ARHGEF37: variants seen among roughly 807,000 people sequenced by gnomAD.
ARHGEF37 encodes the protein Rho guanine nucleotide exchange factor 37.
In ARHGEF37, 55 loss-of-function variants were observed where a neutral mutation model predicts 71.1. That is an observed-to-expected ratio of 0.77 (90% CI 0.62 to 0.97). ARHGEF37 has a LOEUF of 0.97. ARHGEF37 is among the 50% of genes least tolerant of loss of function. ARHGEF37 has a pLI of 0.00. For missense variants in ARHGEF37, 765 were observed against 836.8 expected (o/e 0.91, Z 1.06); for synonymous variants, 327 against 350.6 (o/e 0.93, Z 0.75).
At chr5:149,605,481 G>A (rs754613723) in intron 3 of ARHGEF37, among the ~76,000 whole-genome samples, 3 of 152,098 alleles carry the variant, frequency 2.0e-5, no homozygotes, top group Admixed American at 1.3e-4. Context: ...CGCATTTGGG[G>A]TTCATCATAT....
intron 10 of ARHGEF37, among the ~76,000 whole-genome samples, chr5:149,625,819 A>G (rs929694198): frequency 1.3e-5 from 2 of 150,634 alleles, no homozygotes; most frequent in Admixed American, 1.3e-4. Context: ...CTGAGGGTAT[A>G]GAACCCAGCA....
chr5:149,607,351 A>G (rs1340489931), intron 3 of ARHGEF37, among the ~76,000 whole-genome samples: 1 of 152,098 alleles, frequency 6.6e-6, no homozygotes, highest in Non-Finnish European at 1.5e-5. Context: ...TCCTTCCCTA[A>G]TACTTGGTGC....
chr5:149,623,923 G>T lies in ARHGEF37; in HGVS notation c.1336-89G>T. ...GACAGAGTATCACTCAGAACTCCTT[G>T]GGTTGAAAATAATATAAACCCAAAG... On this transcript the variant is annotated intron_variant, in intron 9 of 12. Coordinates refer to ENST00000333677, the MANE Select transcript of ARHGEF37 (RefSeq NM_001001669.3). 2.0e-6 allele frequency: 3 copies of T among 1,482,890 alleles called. No individual in the cohort carries two copies. In the South Asian group the frequency reaches 4.1e-5, roughly 20 times the overall value. The allele number at this position is 1,482,890 out of a possible 1,614,324, so 91.9% of individuals were successfully genotyped here.
intron 4 of ARHGEF37, among the ~76,000 whole-genome samples, chr5:149,611,087 G>A (rs115410606): frequency 1.8e-3 from 273 of 152,228 alleles, no homozygotes; most frequent in Non-Finnish European, 3.0e-3. Context: ...TCCTCTTCCC[G>A]CCTGCTAGCT....
At chr5:149,616,804 A>T (rs775920307) in intron 5 of ARHGEF37, 38 bp downstream of exon 5, 3 of 1,532,506 alleles carry the variant, frequency 2.0e-6, no homozygotes, top group Non-Finnish European at 2.7e-6. Context: ...CATTAGTAGG[A>T]ATGCTTCCAG....
At position 149,634,340 on chromosome 5, in the gene ARHGEF37, C is replaced by A. The variant is rs949091353; in HGVS notation, c.*2149C>A. The A allele has an allele frequency of 6.6e-6, 1 of 152,190 alleles. No individual in the cohort carries two copies. Among genetic ancestry groups the A allele is most frequent in the South Asian group, 2.1e-4 (1 of 4,826 alleles). 9.4% of individuals were successfully genotyped at this position (152,190 alleles called of 1,614,324 possible). A position where few individuals can be genotyped will look rare whatever the true frequency, so the allele number is the denominator to read the frequency against. On this transcript the variant is annotated 3_prime_UTR_variant, in exon 13 of 13. Coordinates refer to ENST00000333677, the MANE Select transcript of ARHGEF37 (RefSeq NM_001001669.3). ...CTGCACTAGCTAGTTCAAACAGGCG[C>A]TTTAAAGGCAGTGTGAAAGGGGACA...
Position 149,597,968 on chromosome 5 carries a change from G to A in ARHGEF37, c.186+13G>A, listed in dbSNP as rs1260744014. ...CCGCCTCCAGCAGGTACTTGGGTGG[G>A]GTCACACACAACCTGTCTTTATAGG... is the stretch of plus-strand genomic sequence containing the variant. On this transcript the variant is annotated intron_variant, in intron 2 of 12. Transcript: ENST00000333677. 1.9e-6 allele frequency: 3 copies of A among 1,566,606 alleles called. No homozygotes were observed.
At chr5:149,596,662 G>C (rs1763555960) in intron 1 of ARHGEF37, among the ~76,000 whole-genome samples, 1 of 152,178 alleles carries the variant, frequency 6.6e-6, no homozygotes, top group South Asian at 2.1e-4. Context: ...GAAGAAAAGT[G>C]CAGCTGGTGG....
chr5:149,577,880 G>T (rs749454653), upstream of ARHGEF37, among the ~76,000 whole-genome samples: 3 of 152,196 alleles, frequency 2.0e-5, no homozygotes. Flanking sequence ...TATGATTCTG[G>T]AAAGAAGAAT....
chr5:149,609,803 G>A lies in ARHGEF37; in HGVS notation c.458+108G>A, dbSNP rs111493169. The A allele has an allele frequency of 1.3e-4, 189 of 1,461,738 alleles. No homozygotes were observed. In the African/African-American group the frequency reaches 2.3e-3, roughly 18 times the overall value. 90.5% of individuals were successfully genotyped at this position (1,461,738 alleles called of 1,614,324 possible). On this transcript the variant is annotated intron_variant, in intron 4 of 12. Coordinates refer to ENST00000333677, the MANE Select transcript of ARHGEF37 (RefSeq NM_001001669.3). ...CCATTCGTGCTGCTTCACGAGTGTT[G>A]CTCTGTCAGAGCCTGTGTTAGTCAG...
Position 149,624,056 on chromosome 5 carries a change from G to C in ARHGEF37, c.1380G>C (p.Val460=). Residue 460 remains valine (V), a synonymous_variant, in exon 10 of 13, where the codon GTG becomes GTC. Transcript: ENST00000333677. ...HVPEPAFRKL[V]EDALGRTSNQ... ...CAGAGCCTGCCTTCAGGAAGCTGGT[G>C]GAGGACGCACTGGGCCGGACGAGTA... The C allele has an allele frequency of 6.2e-7, 1 of 1,609,594 alleles. No individual in the cohort carries two copies.
chr5:149,579,600 G>A (rs1003840524), upstream of ARHGEF37, among the ~76,000 whole-genome samples: 1 of 151,400 alleles, frequency 6.6e-6, no homozygotes, highest in African/African-American at 2.4e-5. Context: ...TATTATTTTT[G>A]GGACAGAGTC....
rs147145024 is a variant in ARHGEF37 at position 149,631,445 on chromosome 5, A to G, written c.1819-537A>G. Among the ~76,000 whole-genome samples, 466 of 152,280 alleles carry G rather than the reference A, an allele frequency of 3.1e-3. 4 individuals carry two copies. The highest frequency in any genetic ancestry group is 0.011 in the African/African-American group (455 of 41,572). On this transcript the variant is annotated intron_variant, in intron 12 of 12. Coordinates refer to ENST00000333677, the MANE Select transcript of ARHGEF37 (RefSeq NM_001001669.3). ...CTCTACCTCCCAAAGTGCTGGGATT[A>G]TAGGCGTGAGCCACCACACCTGGCC...
intron 1 of ARHGEF37, among the ~76,000 whole-genome samples, chr5:149,558,608 G>A (rs1175203087): frequency 2.6e-5 from 4 of 151,650 alleles, no homozygotes; most frequent in East Asian, 1.9e-4. Context: ...CTCCCTCCTC[G>A]GCCTCCTAAA....
chr5:149,599,852 A>G (rs1033624596), intron 2 of ARHGEF37, among the ~76,000 whole-genome samples: 5 of 152,206 alleles, frequency 3.3e-5, no homozygotes, highest in Non-Finnish European at 2.9e-5. Flanking sequence ...TGAAATACCA[A>G]TGTAGATAAT....
chr5:149,626,075 A>G (rs1187573697), intron 10 of ARHGEF37, among the ~76,000 whole-genome samples: 1 of 152,142 alleles, frequency 6.6e-6, no homozygotes, highest in Non-Finnish European at 1.5e-5. Flanking sequence ...CTGTTTAAGG[A>G]CCTGTTTAGA....
chr5:149,619,650 C>T (rs1010737852), intron 7 of ARHGEF37, among the ~76,000 whole-genome samples: 3 of 151,862 alleles, frequency 2.0e-5, no homozygotes, highest in Non-Finnish European at 2.9e-5. Flanking sequence ...TCTCCTGATG[C>T]GTCAATGTGA....
Position 149,628,801 on chromosome 5 carries a change from C to T in ARHGEF37, c.1661-8C>T. 6.2e-7 allele frequency: 1 copy of T among 1,609,794 alleles called. No homozygotes were observed. On this transcript the variant is annotated splice_region_variant and splice_polypyrimidine_tract_variant and intron_variant, in intron 11 of 12. Transcript: ENST00000333677. ...CCGCAGCCTGCTAACCTTCTGCATG[C>T]TCCCTAGGACATCGTGGGTATGTGC...
intron 10 of ARHGEF37, among the ~76,000 whole-genome samples, chr5:149,625,997 A>G (rs1752673033): frequency 6.6e-6 from 1 of 152,328 alleles, no homozygotes; most frequent in East Asian, 1.9e-4. Context: ...TCACATGCAT[A>G]TCACTGTCCT....
Sources: allele counts gnomAD v4.1 joint callset (sites outside exome capture counted in the v4.1 genomes callset), GRCh38; gene constraint gnomAD v4.1.1; transcripts MANE v1.5; gene names NCBI Gene and HGNC (gene_info 2026-07-23, HGNC 2026-07-21).